Variants in FOXP2 observed in about 807,000 individuals in gnomAD.
The protein encoded by FOXP2 is forkhead box P2, also known as forkhead box protein P2.
A neutral mutation model predicts 115.8 loss-of-function variants in FOXP2; 12 were observed. That is an observed-to-expected ratio of 0.10 (90% CI 0.07 to 0.17). The LOEUF is 0.17. FOXP2 is among the 10% of genes least tolerant of loss of function. The pLI, the probability that FOXP2 is intolerant of heterozygous loss-of-function variation, is 1.00. For missense variants in FOXP2, 629 were observed against 843.5 expected (o/e 0.75, Z 3.15); for synonymous variants, 328 against 297.7 (o/e 1.10, Z -1.05).
chr7:114,278,433 G>C (rs1358925202), intron 1 of FOXP2, among the ~76,000 whole-genome samples: 1 of 151,580 alleles, frequency 6.6e-6, no homozygotes, highest in Admixed American at 6.6e-5. Context: ...TAGGCTCACT[G>C]CAACCACCGT....
chr7:114,176,302 C>CTT lies in FOXP2; in HGVS notation c.-102+13215_-102+13216insTT, dbSNP rs1562992950. ...TTTCTTTCTTTCTTTCTTTCTTTCT[C>CTT]TCTCTCTCTCTCTCTCTCTTTCTTT... On this transcript the variant is annotated intron_variant, in intron 1 of 17. Transcript: ENST00000634411. Among the ~76,000 whole-genome samples, 28 of 91,318 alleles carry CTT rather than the reference C, an allele frequency of 3.1e-4. 1 individual carries two copies. The highest frequency in any genetic ancestry group is 2.1e-3 in the African/African-American group (23 of 10,928). The allele number at this position is 91,318 out of a possible 152,430, so 59.9% of individuals were successfully genotyped here.
At position 114,581,422 on chromosome 7, in the gene FOXP2, G is replaced by A. The variant is rs1435455265; in HGVS notation, c.258+46716G>A. 3.3e-5 allele frequency among the ~76,000 whole-genome samples: 5 copies of A among 151,856 alleles called. No individual in the cohort carries two copies. In the South Asian group the frequency reaches 6.2e-4, roughly 19 times the overall value. ...GTCTTGAACTCCTGGCCTTACAGAC[G>A]TGAGCCACTGTGCCTGGCCATCTTC... On this transcript the variant is annotated intron_variant, in intron 3 of 16. Transcript: ENST00000350908.
At chr7:114,222,449 C>T (rs1486539259) in intron 1 of FOXP2, among the ~76,000 whole-genome samples, 1 of 152,164 alleles carries the variant, frequency 6.6e-6, no homozygotes, top group Non-Finnish European at 1.5e-5. Context: ...TGTGCCCTGC[C>T]TATGTTCATT....
intron 3 of FOXP2, among the ~76,000 whole-genome samples, chr7:114,610,676 G>GT (rs147621208): frequency 0.034 from 4,964 of 147,504 alleles, 232 homozygotes; most frequent in African/African-American, 0.11. Context: ...TTCAATTTGT[G>GT]TTTTTTTTTT....
At chr7:114,111,595 T>A (rs1220780111) in intron 1 of FOXP2, among the ~76,000 whole-genome samples, 1 of 152,176 alleles carries the variant, frequency 6.6e-6, no homozygotes, top group Non-Finnish European at 1.5e-5. Flanking sequence ...GTCCCTTTTA[T>A]AGCAGTTGCT....
chr7:114,191,169 TC>T (rs1360386759), intron 1 of FOXP2, among the ~76,000 whole-genome samples: 1 of 152,218 alleles, frequency 6.6e-6, no homozygotes, highest in East Asian at 1.9e-4. Context: ...GTAGGTTTAT[TC>T]CTTTTTTGAA....
chr7:114,304,630 A>G (rs1280980844), intron 2 of FOXP2, among the ~76,000 whole-genome samples: 1 of 140,544 alleles, frequency 7.1e-6, no homozygotes, highest in African/African-American at 2.6e-5. Flanking sequence ...AGATCGCGCA[A>G]CTGCACTCCA....
At chr7:114,481,805 T>TATC (rs745382073) in intron 2 of FOXP2, among the ~76,000 whole-genome samples, 2 of 148,628 alleles carry the variant, frequency 1.3e-5, no homozygotes, top group Non-Finnish European at 3.0e-5. Context: ...TCTATCTATC[T>TATC]ATCTATATAT....
At chr7:114,186,396 TG>T (rs1019009103) in intron 1 of FOXP2, among the ~76,000 whole-genome samples, 2 of 152,092 alleles carry the variant, frequency 1.3e-5, no homozygotes, top group Admixed American at 6.5e-5. Flanking sequence ...AAGAAAAAAA[TG>T]GGTAACTGAT....
chr7:114,188,221 G>A (rs188208019), intron 1 of FOXP2, among the ~76,000 whole-genome samples: 50 of 152,284 alleles, frequency 3.3e-4, no homozygotes, highest in Admixed American at 2.9e-3. Flanking sequence ...GTCTTTACTT[G>A]TATTTGGAAT....
intron 2 of FOXP2, among the ~76,000 whole-genome samples, chr7:114,457,912 T>C (rs1319757086): frequency 6.9e-6 from 1 of 144,924 alleles, no homozygotes; most frequent in Non-Finnish European, 1.5e-5. Flanking sequence ...AAAAAAAAAG[T>C]CTTCTCATTT....
intron 2 of FOXP2, among the ~76,000 whole-genome samples, chr7:114,465,589 A>T (rs1795766997): frequency 6.6e-6 from 1 of 152,202 alleles, no homozygotes; most frequent in Non-Finnish European, 1.5e-5. Flanking sequence ...ACCACCTATT[A>T]AAAGAGTGAG....
intron 3 of FOXP2, chr7:114,538,422 T>A: frequency 8.4e-7 from 1 of 1,185,086 alleles, no homozygotes; most frequent in Non-Finnish European, 1.1e-6. Context: ...TGAATATTAG[T>A]TTTTAGCATT....
In FOXP2 at chr7:114,690,805, T is replaced by TGGTCA; in HGVS notation, c.*881_*885dup. 1 of 454,558 alleles carries TGGTCA rather than the reference T, an allele frequency of 2.2e-6. No individual in the cohort carries two copies. The highest frequency in any genetic ancestry group is 1.6e-5 in the South Asian group (1 of 64,478). 28.2% of individuals were successfully genotyped at this position (454,558 alleles called of 1,614,324 possible). A position where few individuals can be genotyped will look rare whatever the true frequency, so the allele number is the denominator to read the frequency against. On this transcript the variant is annotated 3_prime_UTR_variant, in exon 17 of 17. Transcript: ENST00000350908. ...CAAGGACAGAAGCAGCCACATGCTT[T>TGGTCA]GGTCAGCCTTCTGTAACTTCAATTA...
intron 2 of FOXP2, among the ~76,000 whole-genome samples, chr7:114,385,123 G>C (rs1792412439): frequency 6.6e-6 from 1 of 151,782 alleles, no homozygotes; most frequent in Non-Finnish European, 1.5e-5. Flanking sequence ...TGGGGAACGG[G>C]TCCCACATAA....
At chr7:114,260,783 G>T (rs1056715417) in intron 1 of FOXP2, among the ~76,000 whole-genome samples, 2 of 151,814 alleles carry the variant, frequency 1.3e-5, no homozygotes, top group Non-Finnish European at 2.9e-5. Context: ...TAAATTATCA[G>T]ATCCAAGCTA....
intron 1 of FOXP2, among the ~76,000 whole-genome samples, chr7:114,224,355 G>A (rs1197214017): frequency 1.3e-5 from 2 of 152,092 alleles, no homozygotes; most frequent in Non-Finnish European, 2.9e-5. Context: ...TCAGTATGGG[G>A]AGAATCCTGA....
chr7:114,413,452 G>A (rs1793216236), upstream of FOXP2, among the ~76,000 whole-genome samples: 1 of 151,830 alleles, frequency 6.6e-6, no homozygotes, highest in Non-Finnish European at 1.5e-5. Context: ...TATTGCATGA[G>A]TTTCCTGTGT....
intron 1 of FOXP2, among the ~76,000 whole-genome samples, chr7:114,122,806 A>C (rs1791601846): frequency 6.6e-6 from 1 of 152,204 alleles, no homozygotes; most frequent in Non-Finnish European, 1.5e-5. Flanking sequence ...TTGAATACAC[A>C]TAATTTTTAA....
Sources: gnomAD v4.1 joint callset for allele counts (sites outside exome capture counted in the v4.1 genomes callset) on GRCh38, gnomAD v4.1.1 for gene constraint, MANE v1.5 for transcripts, NCBI Gene and HGNC (gene_info 2026-07-23, HGNC 2026-07-21) for gene names.